GALNT16: variants seen among roughly 807,000 people sequenced by gnomAD.
The protein encoded by GALNT16 is polypeptide N-acetylgalactosaminyltransferase 16, also known as UDP-GalNAc:polypeptide N-acetylgalactosaminyltransferase-like protein 1.
In GALNT16, 40 loss-of-function variants were observed where a neutral mutation model predicts 76.1. The observed-to-expected ratio is 0.53, with a 90% CI of 0.41 to 0.68. GALNT16 has a LOEUF of 0.68. Among genes scored for constraint, GALNT16 ranks in the 30% least tolerant of loss-of-function variants. The probability of loss-of-function intolerance (pLI) is 0.00; values close to 1 mark genes in which losing one functional copy is unlikely to be tolerated. For synonymous variants in GALNT16, 276 were observed against 285.2 expected (o/e 0.97, Z 0.32); for missense variants, 621 against 731.9 (o/e 0.85, Z 1.75).
rs780673520 is a variant in GALNT16 at position 69,341,672 on chromosome 14, C to T, written c.1188-9C>T. On this transcript the variant is annotated splice_polypyrimidine_tract_variant and intron_variant, in intron 11 of 14. Coordinates refer to ENST00000448469, the MANE Select transcript of GALNT16 (RefSeq NM_001168368.2). ...CAGGCCAAAGCCCAAGCCCTGCCTCCTCCTACAGTGTGGCTACGCGGATAG... is the reference window on the plus strand; with the variant it reads ...CAGGCCAAAGCCCAAGCCCTGCCTCTTCCTACAGTGTGGCTACGCGGATAG... 1 of 1,603,162 alleles carries T rather than the reference C, an allele frequency of 6.2e-7. No homozygotes were observed. The highest frequency in any genetic ancestry group is 1.3e-5 in the African/African-American group (1 of 74,726).
intron 12 of GALNT16, among the ~76,000 whole-genome samples, chr14:69,346,556 T>C (rs1443803259): frequency 6.6e-6 from 1 of 152,196 alleles, no homozygotes; most frequent in East Asian, 1.9e-4. Flanking sequence ...CAAATGTACA[T>C]ACATGGTAAA....
rs373962101 is a variant in GALNT16 at position 69,290,961 on chromosome 14, G to A, written c.178-29750G>A. The stretch of plus-strand genomic sequence containing the variant: ...TGGTTCTGGGGTGCGGCAGCCCGCC[G>A]GCCAGGAGACAGGGTTAGAAGCTCA... On this transcript the variant is annotated intron_variant, in intron 1 of 14. Coordinates refer to ENST00000448469, the MANE Select transcript of GALNT16 (RefSeq NM_001168368.2). Among the ~76,000 whole-genome samples the A allele has an allele frequency of 3.3e-4, 50 of 152,274 alleles. No homozygotes were observed. The South Asian group carries it at 9.9e-3, about 30-fold the overall frequency.
chr14:69,261,027 C>T lies in GALNT16; in HGVS notation c.177+560C>T, dbSNP rs926797677. Among the ~76,000 whole-genome samples the T allele has an allele frequency of 6.6e-6, 1 of 152,210 alleles. No individual in the cohort carries two copies. Among genetic ancestry groups the T allele is most frequent in the African/African-American group, 2.4e-5 (1 of 41,464 alleles). ...AACCCGCTTCTTCGGCGCGGACACC[C>T]AGCTTCCCCGGAGTTCTCTGGGTTG... On this transcript the variant is annotated intron_variant, in intron 1 of 14. Transcript: ENST00000448469. The surrounding 1 kb of genome is among the most constrained non-coding windows in gnomAD (Gnocchi z 6.4).
In GALNT16 at chr14:69,266,675, T is replaced by TC. The variant is rs571066037; in HGVS notation, c.177+6212dup. Among the ~76,000 whole-genome samples the TC allele has an allele frequency of 4.4e-3, 670 of 152,010 alleles. 2 individuals carry two copies. Among genetic ancestry groups the TC allele is most frequent in the Middle Eastern group, 0.01 (3 of 294 alleles). ...GGCTGGCCAGGGTTTCTCTCCACAC[T>TC]CCCCGTTGGCCCATAAGTGCTCCCA... is the stretch of plus-strand genomic sequence containing the variant. On this transcript the variant is annotated intron_variant, in intron 1 of 14. Transcript: ENST00000448469.
chr14:69,264,979 G>T (rs1413860467), intron 1 of GALNT16, among the ~76,000 whole-genome samples: 1 of 151,710 alleles, frequency 6.6e-6, no homozygotes, highest in African/African-American at 2.4e-5. Context: ...ACACCTGGTT[G>T]ATTTTTATAT....
chr14:69,326,181 T>C (rs2045282426), intron 5 of GALNT16, among the ~76,000 whole-genome samples, 154 bp downstream of exon 5: 1 of 152,192 alleles, frequency 6.6e-6, no homozygotes, highest in Non-Finnish European at 1.5e-5. Flanking sequence ...ACTCTCCTCC[T>C]TCCCAGATCA....
In GALNT16 at chr14:69,348,013, T is replaced by C. The variant is rs751422154; in HGVS notation, c.1539+11T>C. On this transcript the variant is annotated intron_variant, in intron 14 of 14. Coordinates refer to ENST00000448469, the MANE Select transcript of GALNT16 (RefSeq NM_001168368.2). ...AGAGAAGGCAAGCAGGTGAGTCTCC[T>C]TGCCTCTGGCCCAGAGGCCCAGCAG... The C allele has an allele frequency of 6.2e-7, 1 of 1,613,932 alleles. No homozygotes were observed. Among genetic ancestry groups the C allele is most frequent in the Non-Finnish European group, 8.5e-7 (1 of 1,179,920 alleles).
chr14:69,325,896 C>T lies in GALNT16; in HGVS notation c.503-66C>T, dbSNP rs374499115. 280 of 1,304,086 alleles carry T rather than the reference C, an allele frequency of 2.1e-4. 6 individuals carry two copies. The highest frequency in any genetic ancestry group is 9.1e-4 in the Middle Eastern group (5 of 5,486). The allele number at this position is 1,304,086 out of a possible 1,614,324, so 80.8% of individuals were successfully genotyped here. The stretch of plus-strand genomic sequence containing the variant: ...GCTTAGTATGGGGCAATTTTCATGG[C>T]AGCCAAACCACTAGTGGCCTGATGC... On this transcript the variant is annotated intron_variant, in intron 4 of 14. Transcript: ENST00000448469.
chr14:69,280,460 G>C (rs1253372995), intron 1 of GALNT16, among the ~76,000 whole-genome samples: 1 of 152,116 alleles, frequency 6.6e-6, no homozygotes, highest in East Asian at 1.9e-4. Flanking sequence ...AACCTCCCGG[G>C]CTGCTTCGAC....
intron 2 of GALNT16, among the ~76,000 whole-genome samples, chr14:69,324,047 C>A (rs2045241567): frequency 6.6e-6 from 1 of 152,062 alleles, no homozygotes; most frequent in South Asian, 2.1e-4. Flanking sequence ...AATGTGGTGT[C>A]TATGGATGGC....
rs139496557 is a variant in GALNT16 at position 69,310,288 on chromosome 14, GT to G, written c.178-10414del. Among the ~76,000 whole-genome samples, 96 of 150,956 alleles carry G rather than the reference GT, an allele frequency of 6.4e-4. No homozygotes were observed. In the South Asian group the frequency reaches 0.02, roughly 31 times the overall value. On this transcript the variant is annotated intron_variant, in intron 1 of 14. Transcript: ENST00000448469. ...GGTATATCTTAAAACCTGGTAGGTAGTTTTTTTTTCAGATTTTCTCTGATTG... is the reference window on the plus strand; with the variant it reads ...GGTATATCTTAAAACCTGGTAGGTAGTTTTTTTTCAGATTTTCTCTGATTG...
At chr14:69,320,281 G>A (rs1176110503) in intron 1 of GALNT16, among the ~76,000 whole-genome samples, 1 of 152,182 alleles carries the variant, frequency 6.6e-6, no homozygotes, top group African/African-American at 2.4e-5. Flanking sequence ...GATCACTTGA[G>A]GTCAGGAGTT....
chr14:69,269,381 G>GTA (rs59230610), intron 1 of GALNT16, among the ~76,000 whole-genome samples: 1 of 13,278 alleles, frequency 7.5e-5, no homozygotes, highest in Non-Finnish European at 1.0e-4. Context: ...TGGGGCGCAC[G>GTA]TGTGTGTGTG....
downstream of GALNT16, chr14:69,357,860 A>T (rs891435906): frequency 1.1e-4 from 17 of 152,414 alleles, no homozygotes; most frequent in African/African-American, 4.1e-4. Context: ...GGTCCAAGTG[A>T]TGCGTTTGCA....
At chr14:69,328,402 G>A (rs1383749071) in intron 5 of GALNT16, 48 bp from the exon 6 acceptor site, 2 of 1,585,920 alleles carry the variant, frequency 1.3e-6, no homozygotes, top group Non-Finnish European at 1.7e-6. Context: ...CAGGTGGGAA[G>A]CCAGTTGGCC....
intron 1 of GALNT16, among the ~76,000 whole-genome samples, chr14:69,280,631 A>C (rs917666343): frequency 3.9e-5 from 6 of 151,904 alleles, no homozygotes; most frequent in African/African-American, 1.5e-4. Flanking sequence ...ACTTTTTCTT[A>C]CCGTTTTAGC....
chr14:69,324,818 C>T, intron 3 of GALNT16, 28 bp downstream of exon 3: 3 of 1,444,914 alleles, frequency 2.1e-6, no homozygotes, highest in Non-Finnish European at 2.9e-6. Context: ...ACTCTCATCT[C>T]AGTGGTGCTG....
chr14:69,280,041 TATAAG>T (rs1412715290), intron 1 of GALNT16, among the ~76,000 whole-genome samples: 1 of 152,250 alleles, frequency 6.6e-6, no homozygotes, highest in African/African-American at 2.4e-5. Flanking sequence ...GTAAAATACA[TATAAG>T]ATAAACTTTA....
At chr14:69,334,048 G>C (rs1188187909) in intron 9 of GALNT16, among the ~76,000 whole-genome samples, 1 of 152,228 alleles carries the variant, frequency 6.6e-6, no homozygotes, top group Non-Finnish European at 1.5e-5. Context: ...ATGCTGTTTG[G>C]CCCTGGGCAA....
Sources: gnomAD v4.1 joint callset for allele counts (sites outside exome capture counted in the v4.1 genomes callset) on GRCh38, gnomAD v4.1.1 for gene constraint, Gnocchi (gnomAD v3.1) non-coding constraint, MANE v1.5 for transcripts, NCBI Gene and HGNC (gene_info 2026-07-23, HGNC 2026-07-21) for gene names.